Variants in SIMC1 observed in about 807,000 individuals in gnomAD.
SIMC1 encodes SUMO interacting motifs containing 1.
SIMC1 carries 55 observed loss-of-function variants against 82.3 expected under a neutral mutation model. The observed-to-expected ratio is 0.67, with a 90% CI of 0.54 to 0.84. The LOEUF (loss-of-function observed/expected upper bound fraction) is 0.84, where lower values mean the gene tolerates loss of function less well. SIMC1 is among the 40% of genes least tolerant of loss of function. The pLI, the probability that SIMC1 is intolerant of heterozygous loss-of-function variation, is 0.00. For missense variants in SIMC1, 915 were observed against 1,107.2 expected (o/e 0.83, Z 2.46); for synonymous variants, 353 against 426.3 (o/e 0.83, Z 2.12).
chr5:176,336,204 C>T (rs1192815083), intron 7 of SIMC1, among the ~76,000 whole-genome samples: 3 of 152,100 alleles, frequency 2.0e-5, no homozygotes, highest in Admixed American at 2.0e-4. Flanking sequence ...AGTGCTTCTG[C>T]CTCCATAGGA....
intron 4 of SIMC1, among the ~76,000 whole-genome samples, chr5:176,304,987 C>T (rs576997893): frequency 7.4e-4 from 97 of 130,696 alleles, no homozygotes; most frequent in African/African-American, 2.5e-3. Context: ...CCCCTCCGCC[C>T]GGCAGCTGCC....
chr5:176,267,733 G>GTTT (rs1159766316), intron 1 of SIMC1, among the ~76,000 whole-genome samples: 69 of 27,242 alleles, frequency 2.5e-3, no homozygotes, highest in African/African-American at 9.1e-3. Flanking sequence ...TTTTCTTTCT[G>GTTT]TTTTTTTTTT....
chr5:176,337,055 T>G lies in SIMC1; in HGVS notation c.2329-7T>G. 6.2e-7 allele frequency: 1 copy of G among 1,613,726 alleles called. No homozygotes were observed. The highest frequency in any genetic ancestry group is 1.3e-5 in the African/African-American group (1 of 75,042). On this transcript the variant is annotated splice_region_variant and splice_polypyrimidine_tract_variant and intron_variant, in intron 8 of 9. Transcript: ENST00000429602. Reference sequence around the variant, plus strand: ...TTTATTATCAATCCATTTTACTATCTCTGCAGTCAGATAAAAGCCAGTGGC... The same window carrying G: ...TTTATTATCAATCCATTTTACTATCGCTGCAGTCAGATAAAAGCCAGTGGC...
chr5:176,275,692 A>G (rs1762655874), intron 1 of SIMC1, among the ~76,000 whole-genome samples: 1 of 151,860 alleles, frequency 6.6e-6, no homozygotes, highest in African/African-American at 2.4e-5. Context: ...AGGTTGTTGA[A>G]TTTTGTCAAC....
chr5:176,320,383 T>A (rs908287008), intron 5 of SIMC1, among the ~76,000 whole-genome samples: 6 of 146,426 alleles, frequency 4.1e-5, no homozygotes, highest in African/African-American at 1.6e-4. Context: ...TTATTTATTT[T>A]GAGGCGGAGT....
intron 5 of SIMC1, among the ~76,000 whole-genome samples, chr5:176,320,223 G>A (rs1365480234): frequency 1.3e-5 from 2 of 152,166 alleles, no homozygotes; most frequent in African/African-American, 4.8e-5. Context: ...TGGTATCCCA[G>A]TCCAGAGACC....
At chr5:176,329,343 C>T (rs889756201) in intron 7 of SIMC1, among the ~76,000 whole-genome samples, 2 of 151,930 alleles carry the variant, frequency 1.3e-5, no homozygotes, top group Admixed American at 6.6e-5. Context: ...CGGTGGCGGG[C>T]GCCTGTAGTC....
intron 3 of SIMC1, 146 bp from the exon 4 acceptor site, chr5:176,296,105 T>C (rs957041571): frequency 8.2e-5 from 114 of 1,392,280 alleles, no homozygotes; most frequent in Non-Finnish European, 1.1e-4. Context: ...TACTCTCAGA[T>C]TGACATGGTA....
intron 1 of SIMC1, among the ~76,000 whole-genome samples, chr5:176,280,528 T>C (rs1172451977): frequency 6.6e-6 from 1 of 152,158 alleles, no homozygotes; most frequent in African/African-American, 2.4e-5. Flanking sequence ...TTCTTCCTAG[T>C]CTCGATGGTC....
At chr5:176,265,324 G>A (rs1417686032) in intron 1 of SIMC1, among the ~76,000 whole-genome samples, 4 of 152,164 alleles carry the variant, frequency 2.6e-5, no homozygotes, top group African/African-American at 9.7e-5. Flanking sequence ...TGCCCTGCTA[G>A]TCAGGCTGGC....
chr5:176,277,616 G>A (rs1473552067), intron 1 of SIMC1, among the ~76,000 whole-genome samples: 1 of 151,922 alleles, frequency 6.6e-6, no homozygotes, highest in Non-Finnish European at 1.5e-5. Flanking sequence ...ATCTTGAATT[G>A]ATTTTTGTAT....
At chr5:176,335,226 C>T (rs1461596147) in intron 7 of SIMC1, among the ~76,000 whole-genome samples, 1 of 149,822 alleles carries the variant, frequency 6.7e-6, no homozygotes, top group African/African-American at 2.5e-5. Flanking sequence ...AGTCCAACAT[C>T]AGTTACTGTG....
chr5:176,308,867 A>G (rs1189108879), intron 4 of SIMC1: 6 of 1,326,890 alleles, frequency 4.5e-6, no homozygotes, highest in Non-Finnish European at 6.5e-6. Flanking sequence ...CTCAGTGTTT[A>G]CCAAGAATCT....
chr5:176,297,502 CAAAAAAAAAAA>C (rs896827211), intron 4 of SIMC1, among the ~76,000 whole-genome samples: 4 of 35,932 alleles, frequency 1.1e-4, no homozygotes, highest in African/African-American at 2.9e-4. Flanking sequence ...AACTCTGTCT[CAAAAAAAAAAA>C]AAAAAAAAAA....
chr5:176,287,789 G>C (rs1763363416), intron 1 of SIMC1, among the ~76,000 whole-genome samples: 1 of 151,774 alleles, frequency 6.6e-6, no homozygotes, highest in Non-Finnish European at 1.5e-5. Context: ...GCAGGATACA[G>C]TATCAATATA....
At chr5:176,302,557 G>C (rs1254463025) in intron 4 of SIMC1, among the ~76,000 whole-genome samples, 7 of 152,060 alleles carry the variant, frequency 4.6e-5, no homozygotes, top group Non-Finnish European at 7.4e-5. Flanking sequence ...AGACAGAGCA[G>C]TTAGTCAAGA....
intron 1 of SIMC1, among the ~76,000 whole-genome samples, chr5:176,273,564 T>C (rs1397738017): frequency 6.6e-6 from 1 of 152,196 alleles, no homozygotes; most frequent in African/African-American, 2.4e-5. Context: ...GCAGGTTAGT[T>C]ACATATGTAT....
intron 9 of SIMC1, among the ~76,000 whole-genome samples, chr5:176,342,900 TG>T (rs1184807072): frequency 6.6e-6 from 1 of 152,234 alleles, no homozygotes; most frequent in Non-Finnish European, 1.5e-5. Flanking sequence ...CCACAAGGAC[TG>T]GGCCCAAGGC....
At chr5:176,299,123 A>G (rs1763936662) in intron 4 of SIMC1, among the ~76,000 whole-genome samples, 1 of 152,256 alleles carries the variant, frequency 6.6e-6, no homozygotes, top group Non-Finnish European at 1.5e-5. Context: ...GCCAGGTGCA[A>G]TGGCTCACGC....
Sources: allele counts gnomAD v4.1 joint callset (sites outside exome capture counted in the v4.1 genomes callset), GRCh38; gene constraint gnomAD v4.1.1; transcripts MANE v1.5; gene names NCBI Gene and HGNC (gene_info 2026-07-23, HGNC 2026-07-21).